Variants in SLC39A11 observed in about 807,000 individuals in gnomAD.
SLC39A11 encodes zinc transporter ZIP11.
In SLC39A11, 33 loss-of-function variants were observed where a neutral mutation model predicts 36.1. The observed-to-expected ratio is 0.91, with a 90% CI of 0.69 to 1.22. The LOEUF (loss-of-function observed/expected upper bound fraction) is 1.22. SLC39A11 is among the 50% of genes most tolerant of loss of function. SLC39A11 has a pLI of 0.00. For synonymous variants in SLC39A11, 166 were observed against 170.3 expected (o/e 0.97, Z 0.20); for missense variants, 432 against 430.3 (o/e 1.00, Z -0.03).
At chr17:72,817,213 G>C (rs1331290128) in intron 6 of SLC39A11, among the ~76,000 whole-genome samples, 1 of 151,930 alleles carries the variant, frequency 6.6e-6, no homozygotes, top group Non-Finnish European at 1.5e-5. Context: ...TGAGGGCCTC[G>C]GGAAGCTTCC....
intron 6 of SLC39A11, among the ~76,000 whole-genome samples, chr17:72,768,259 T>C (rs1009522918): frequency 2.6e-5 from 4 of 152,266 alleles, no homozygotes; most frequent in African/African-American, 7.2e-5. Context: ...GGCCTTTCAA[T>C]AGCCTCACAA....
chr17:72,994,047 C>G (rs569389315), intron 4 of SLC39A11, among the ~76,000 whole-genome samples: 4 of 152,178 alleles, frequency 2.6e-5, no homozygotes, highest in Non-Finnish European at 5.9e-5. Flanking sequence ...TTTAGCCTCA[C>G]GAGTTTCACC....
At chr17:72,893,151 A>G (rs1284046919) in intron 5 of SLC39A11, among the ~76,000 whole-genome samples, 1 of 152,234 alleles carries the variant, frequency 6.6e-6, no homozygotes, top group Non-Finnish European at 1.5e-5. Flanking sequence ...AATGAAGCCC[A>G]ATACTATTGA....
intron 7 of SLC39A11, among the ~76,000 whole-genome samples, chr17:72,656,040 CTG>C (rs1187989391): frequency 6.6e-6 from 1 of 152,200 alleles, no homozygotes; most frequent in Non-Finnish European, 1.5e-5. Context: ...ACTAAACACT[CTG>C]AGCTGACGAT....
Position 73,085,331 on chromosome 17 carries a change from AC to A in SLC39A11, c.109-486del, listed in dbSNP as rs1457451733. Among the ~76,000 whole-genome samples, 4 of 144,180 alleles carry A rather than the reference AC, an allele frequency of 2.8e-5. No individual in the cohort carries two copies. The Admixed American group carries it at 2.8e-4, about 10-fold the overall frequency. 94.6% of individuals were successfully genotyped at this position (144,180 alleles called of 152,430 possible). A position where few individuals can be genotyped will look rare whatever the true frequency, so the allele number is the denominator to read the frequency against. ...AGACCAGCCTAGCCAACATGATGAA[AC>A]CCCATCTCTACTAAAAATACAAAAA... On this transcript the variant is annotated intron_variant, in intron 2 of 9. Coordinates refer to ENST00000255559, the MANE Select transcript of SLC39A11 (RefSeq NM_139177.4).
chr17:72,903,760 A>G (rs369977832), intron 5 of SLC39A11, among the ~76,000 whole-genome samples: 11 of 152,310 alleles, frequency 7.2e-5, no homozygotes, highest in East Asian at 1.9e-4. Flanking sequence ...TTATTTGTCT[A>G]GGAAGGTCTG....
intron 3 of SLC39A11, chr17:73,073,592 A>G (rs1325646835): frequency 6.6e-6 from 1 of 152,226 alleles, no homozygotes; most frequent in Non-Finnish European, 1.5e-5. Flanking sequence ...ACCTGCAAAG[A>G]ATAGAACCTT....
chr17:73,021,736 CAAGAGACAGCAA>C (rs917937963), intron 4 of SLC39A11, among the ~76,000 whole-genome samples: 15 of 152,168 alleles, frequency 9.9e-5, no homozygotes, highest in Non-Finnish European at 2.1e-4. Context: ...TGGCTGAGCT[CAAGAGACAGCAA>C]GAGAGGACAG....
At chr17:73,055,759 A>C (rs775656443) in intron 3 of SLC39A11, among the ~76,000 whole-genome samples, 40 of 152,126 alleles carry the variant, frequency 2.6e-4, no homozygotes, top group Admixed American at 5.9e-4. Flanking sequence ...TAAGCCACCA[A>C]ATCTTAATCA....
At chr17:72,736,823 T>A (rs1431055507) in intron 6 of SLC39A11, 104 bp from the exon 7 acceptor site, 5 of 937,574 alleles carry the variant, frequency 5.3e-6, no homozygotes, top group Non-Finnish European at 8.7e-6. Flanking sequence ...AGGCTGCCAG[T>A]CAAAGAAAAT....
chr17:72,683,393 T>C (rs1390009849), intron 7 of SLC39A11, among the ~76,000 whole-genome samples: 1 of 150,026 alleles, frequency 6.7e-6, no homozygotes, highest in African/African-American at 2.5e-5. Context: ...TAGAGTGCAG[T>C]GGCACAGTCA....
intron 4 of SLC39A11, among the ~76,000 whole-genome samples, chr17:73,021,346 C>T (rs563060952): frequency 2.1e-3 from 316 of 148,580 alleles, no homozygotes; most frequent in East Asian, 0.018. Flanking sequence ...TTCTTTCTTT[C>T]TTTTTTTTTT....
chr17:72,667,683 C>A lies in SLC39A11; in HGVS notation c.672-18415G>T, dbSNP rs1015157462. On this transcript the variant is annotated intron_variant, in intron 7 of 9. Transcript: ENST00000255559. ...ACCAGAGCCACTTCTTCCAGGAATG[C>A]CTGGTGCAGACTGCAGAGGCACCAG... is the stretch of plus-strand genomic sequence containing the variant. Among the ~76,000 whole-genome samples the A allele has an allele frequency of 2.2e-4, 33 of 152,212 alleles. 1 individual carries two copies. The highest frequency in any genetic ancestry group is 2.0e-3 in the Admixed American group (31 of 15,286).
chr17:73,081,664 C>CACACAT (rs1555707754), intron 3 of SLC39A11, among the ~76,000 whole-genome samples: 17 of 122,480 alleles, frequency 1.4e-4, no homozygotes, highest in Non-Finnish European at 2.3e-4. Context: ...CACACACACA[C>CACACAT]ACACACATAT....
At chr17:72,797,037 T>C (rs1049654964) in intron 6 of SLC39A11, among the ~76,000 whole-genome samples, 1 of 152,136 alleles carries the variant, frequency 6.6e-6, no homozygotes, top group Non-Finnish European at 1.5e-5. Context: ...GAGCTTGAAC[T>C]TCGTGATTCC....
At chr17:72,707,996 C>T (rs2072960585) in intron 7 of SLC39A11, among the ~76,000 whole-genome samples, 1 of 152,230 alleles carries the variant, frequency 6.6e-6, no homozygotes, top group Non-Finnish European at 1.5e-5. Flanking sequence ...TTGTACCAGA[C>T]ATGGTAGTCA....
intron 6 of SLC39A11, among the ~76,000 whole-genome samples, chr17:72,835,509 G>A (rs1447044305): frequency 1.3e-5 from 2 of 152,206 alleles, no homozygotes; most frequent in Non-Finnish European, 2.9e-5. Flanking sequence ...CACCCAGGCT[G>A]GAGTGCAGTG....
intron 7 of SLC39A11, among the ~76,000 whole-genome samples, chr17:72,716,894 A>AG: frequency 6.7e-6 from 1 of 149,938 alleles, no homozygotes; most frequent in Middle Eastern, 3.4e-3. Flanking sequence ...GCTTGAACTC[A>AG]GGGGGTGGAG....
intron 5 of SLC39A11, among the ~76,000 whole-genome samples, chr17:72,855,902 A>C (rs2079619021): frequency 6.6e-6 from 1 of 152,158 alleles, no homozygotes; most frequent in Non-Finnish European, 1.5e-5. Flanking sequence ...GTCTCAAAAA[A>C]AAAAAAAGCA....
Sources: gnomAD v4.1 joint callset for allele counts (sites outside exome capture counted in the v4.1 genomes callset) on GRCh38, gnomAD v4.1.1 for gene constraint, MANE v1.5 for transcripts, NCBI Gene and HGNC (gene_info 2026-07-23, HGNC 2026-07-21) for gene names.